CBX2: variants seen among roughly 807,000 people sequenced by gnomAD.
CBX2 encodes chromobox protein homolog 2.
A neutral mutation model predicts 21.0 loss-of-function variants in CBX2; 11 were observed. That is an observed-to-expected ratio of 0.52 (90% CI 0.33 to 0.87). CBX2 has a LOEUF of 0.87. CBX2 is among the 40% of genes least tolerant of loss of function. The probability of loss-of-function intolerance (pLI) is 0.02; values close to 1 mark genes in which losing one functional copy is unlikely to be tolerated. For synonymous variants in CBX2, 364 were observed against 304.6 expected (o/e 1.19, Z -2.03); for missense variants, 746 against 724.3 (o/e 1.03, Z -0.34).
upstream of CBX2, among the ~76,000 whole-genome samples, chr17:79,777,979 G>A (rs1289958077): frequency 3.5e-5 from 5 of 143,100 alleles, no homozygotes; most frequent in Non-Finnish European, 7.8e-5. Flanking sequence ...CGGAGCGCGA[G>A]GCCCAGCCCG....
Position 79,781,704 on chromosome 17 carries a change from A to G in CBX2, c.191A>G (p.Glu64Gly), listed in dbSNP as rs930570771. ...TAGTGGTGTGCCTTCAGGGAACATGAGAAGGAGGTGCAGAACCGGAAGAGA... is the reference window on the plus strand; with the variant it reads ...TAGTGGTGTGCCTTCAGGGAACATGGGAAGGAGGTGCAGAACCGGAAGAGA... ...LLLAFQKKEH[E>G]KEVQNRKRGK... The change falls in exon 4 of 5, where the codon GAG becomes GGG. Residue 64 changes from glutamate (E) to glycine (G), a missense_variant. Physicochemically the swap from Glu to Gly is moderately conservative, Grantham distance 98 (BLOSUM62 -2). Around this residue, in one of 2 missense-constraint regions of CBX2, gnomAD observed 701 missense variants for 650.7 expected, o/e 1.08. Coordinates refer to ENST00000310942, the MANE Select transcript of CBX2 (RefSeq NM_005189.3). The G allele has an allele frequency of 4.3e-6, 7 of 1,613,678 alleles. No individual in the cohort carries two copies. The highest frequency in any genetic ancestry group is 1.7e-5 in the Admixed American group (1 of 60,030).
intron 4 of CBX2, chr17:79,782,132 G>A (rs1023860695): frequency 1.2e-6 from 2 of 1,613,042 alleles, no homozygotes; most frequent in Non-Finnish European, 1.7e-6. Context: ...AAAGGAACAG[G>A]AAGCATGCGT....
upstream of CBX2, among the ~76,000 whole-genome samples, chr17:79,777,922 C>A (rs1300595793): frequency 6.8e-6 from 1 of 146,828 alleles, no homozygotes; most frequent in Non-Finnish European, 1.5e-5. Flanking sequence ...CCCGCGCCCC[C>A]ACCCCCGCCC....
Position 79,785,330 on chromosome 17 carries a change from C to T in CBX2, c.*288C>T, listed in dbSNP as rs1907561085. The T allele has an allele frequency of 7.6e-6, 4 of 524,464 alleles. No homozygotes were observed. The highest frequency in any genetic ancestry group is 3.8e-5 in the African/African-American group (2 of 52,300). The allele number at this position is 524,464 out of a possible 1,614,324, so 32.5% of individuals were successfully genotyped here. On this transcript the variant is annotated 3_prime_UTR_variant, in exon 5 of 5. Transcript: ENST00000310942. The stretch of plus-strand genomic sequence containing the variant: ...GGAAACCCGGTGGCACCTGTGGCTC[C>T]AGGTGACTGTCTTGAACAGAGCGGG...
chr17:79,778,510 G>A lies in CBX2; in HGVS notation c.116+83G>A. ...TGGAGCCCCTCGGCCGCGCCGTCCG[G>A]TGGCCTGGGGGCGCCCGCGGGCAGA... On this transcript the variant is annotated intron_variant, in intron 2 of 4. Transcript: ENST00000310942. The surrounding 1 kb of genome is among the most constrained non-coding windows in gnomAD (Gnocchi z 4.8). 2 of 887,182 alleles carry A rather than the reference G, an allele frequency of 2.3e-6. No individual in the cohort carries two copies. Among genetic ancestry groups the A allele is most frequent in the East Asian group, 3.4e-5 (1 of 29,376 alleles). The allele number at this position is 887,182 out of a possible 1,614,324, so 55.0% of individuals were successfully genotyped here.
In CBX2 at chr17:79,785,337, C is replaced by G; in HGVS notation, c.*295C>G. 1 of 509,290 alleles carries G rather than the reference C, an allele frequency of 2.0e-6. No homozygotes were observed. The highest frequency in any genetic ancestry group is 2.1e-5 in the South Asian group (1 of 46,764). The allele number at this position is 509,290 out of a possible 1,614,324, so 31.5% of individuals were successfully genotyped here. On this transcript the variant is annotated 3_prime_UTR_variant, in exon 5 of 5. Transcript: ENST00000310942. ...CGGTGGCACCTGTGGCTCCAGGTGA[C>G]TGTCTTGAACAGAGCGGGCTTCTTC...
At chr17:79,779,761 A>G in intron 3 of CBX2, 1 of 363,446 alleles carries the variant, frequency 2.8e-6, no homozygotes, top group Non-Finnish European at 5.3e-6. Context: ...TCTGCTGAGT[A>G]ATTTGCACAT....
In CBX2 at chr17:79,787,934, AT is replaced by A. The variant is rs1907743036; in HGVS notation, c.*2895del. 1 of 152,008 alleles carries A rather than the reference AT, an allele frequency of 6.6e-6. No individual in the cohort carries two copies. The highest frequency in any genetic ancestry group is 2.1e-4 in the South Asian group (1 of 4,824). The allele number at this position is 152,008 out of a possible 1,614,324, so 9.4% of individuals were successfully genotyped here. A position where few individuals can be genotyped will look rare whatever the true frequency, so the allele number is the denominator to read the frequency against. ...TGAACCAAAGCCAATCACTGGCTTG[AT>A]TTGTGTTTTTTAATTAAAAAAAAAA... On this transcript the variant is annotated 3_prime_UTR_variant, in exon 5 of 5. Coordinates refer to ENST00000310942, the MANE Select transcript of CBX2 (RefSeq NM_005189.3).
At position 79,778,327 on chromosome 17, in the gene CBX2, C is replaced by T. The variant is rs782508949; in HGVS notation, c.72+20C>T. The T allele has an allele frequency of 1.3e-6, 2 of 1,559,156 alleles. No homozygotes were observed. Among genetic ancestry groups the T allele is most frequent in the African/African-American group, 1.4e-5 (1 of 72,910 alleles). ...CGCAAGGTGCGTGCGGCCCGCCGGG[C>T]CCCCCGCCCGCCGCCCGCTGTCCGT... On this transcript the variant is annotated intron_variant, in intron 1 of 4. Transcript: ENST00000310942. The surrounding 1 kb of genome is among the most constrained non-coding windows in gnomAD (Gnocchi z 4.8).
At chr17:79,783,245 C>G (rs1907367864) in intron 4 of CBX2, among the ~76,000 whole-genome samples, 1 of 152,242 alleles carries the variant, frequency 6.6e-6, no homozygotes. Context: ...AATTTTGCCT[C>G]TCATGGAACT....
chr17:79,784,619 T>C lies in CBX2; in HGVS notation c.1176T>C (p.Thr392=). Reference sequence around the variant, plus strand: ...CCAACCCAGCCCCTGGGAAGGGCACTGGGAGTGGCCTCATTGGGGCCAGCG... The same window carrying C: ...CCAACCCAGCCCCTGGGAAGGGCACCGGGAGTGGCCTCATTGGGGCCAGCG... The part of the protein sequence containing the change: ...PATNPAPGKG[T]GSGLIGASGA... Residue 392 remains threonine, a synonymous_variant, in exon 5 of 5, where the codon ACT becomes ACC. Coordinates refer to ENST00000310942, the MANE Select transcript of CBX2 (RefSeq NM_005189.3). This position sits in a 1 kb window ranked among gnomAD's most constrained non-coding sequence, Gnocchi z 5.9. The C allele has an allele frequency of 1.2e-6, 2 of 1,612,506 alleles. No individual in the cohort carries two copies. The highest frequency in any genetic ancestry group is 2.2e-5 in the South Asian group (2 of 91,064).
rs559578994 is a variant in CBX2, at chr17:79,787,354, T to C, written c.*2312T>C. The C allele has an allele frequency of 6.5e-6, 1 of 152,804 alleles. No homozygotes were observed. The highest frequency in any genetic ancestry group is 6.5e-5 in the Admixed American group (1 of 15,308). 9.5% of individuals were successfully genotyped at this position (152,804 alleles called of 1,614,324 possible). A position where few individuals can be genotyped will look rare whatever the true frequency, so the allele number is the denominator to read the frequency against. Reference sequence around the variant, plus strand: ...GCAGCCGGGTCTCTCCAGACCCTGATTCGGTGCCTTTCTGTTTACCAGCTA... The same window carrying C: ...GCAGCCGGGTCTCTCCAGACCCTGACTCGGTGCCTTTCTGTTTACCAGCTA... On this transcript the variant is annotated 3_prime_UTR_variant, in exon 5 of 5. Transcript: ENST00000310942.
At position 79,778,808 on chromosome 17, in the gene CBX2, C is replaced by A. The variant is rs557151490; in HGVS notation, c.116+381C>A. ...GGATGTAGAGTTTCTTTTTTTTTTT[C>A]TTTCTTTTAATGGAAGGGAGGGTGT... is the stretch of plus-strand genomic sequence containing the variant. On this transcript the variant is annotated intron_variant, in intron 2 of 4. Coordinates refer to ENST00000310942, the MANE Select transcript of CBX2 (RefSeq NM_005189.3). This position sits in a 1 kb window ranked among gnomAD's most constrained non-coding sequence, Gnocchi z 4.8. Among the ~76,000 whole-genome samples the A allele has an allele frequency of 2.6e-4, 38 of 147,198 alleles. No individual in the cohort carries two copies. The highest frequency in any genetic ancestry group is 9.2e-4 in the African/African-American group (37 of 40,282).
upstream of CBX2, among the ~76,000 whole-genome samples, chr17:79,777,568 G>A (rs1375947954): frequency 1.3e-5 from 2 of 152,140 alleles, no homozygotes; most frequent in African/African-American, 4.8e-5. Context: ...TGGGGTTTGT[G>A]GGCCCCTCCC....
At chr17:79,783,212 T>C (rs1478096146) in intron 4 of CBX2, among the ~76,000 whole-genome samples, 1 of 152,200 alleles carries the variant, frequency 6.6e-6, no homozygotes, top group Non-Finnish European at 1.5e-5. Context: ...ACGAGCCACC[T>C]ATTTTTCTCT....
Position 79,784,655 on chromosome 17 carries a change from G to T in CBX2, c.1212G>T (p.Met404Ile). The change falls in exon 5 of 5, where the codon ATG becomes ATT. Residue 404 changes from methionine to isoleucine, a missense_variant. By Grantham distance (10) the Met-to-Ile change is conservative. Transcript: ENST00000310942. The surrounding 1 kb of genome is among the most constrained non-coding windows in gnomAD (Gnocchi z 5.9). ...TCATTGGGGCCAGCGGGGCCACCAT[G>T]CCCACCGACACAAGCAAAAGTGAGA... is the stretch of plus-strand genomic sequence containing the variant. ...SGLIGASGAT[M>I]PTDTSKSEKL... The T allele has an allele frequency of 6.2e-7, 1 of 1,612,388 alleles. No individual in the cohort carries two copies. The highest frequency in any genetic ancestry group is 1.3e-5 in the African/African-American group (1 of 75,048).
rs1276809530 is a variant in CBX2, at chr17:79,784,345, T to C, written c.902T>C (p.Met301Thr). ...AGGACGCAGAAAGGGGAGCTGGGAA[T>C]GAGCCCTCCAGGAAGCAAAATCCCG... is the stretch of plus-strand genomic sequence containing the variant. ...KVRTQKGELG[M>T]SPPGSKIPKA... is the part of the protein sequence containing the mutation. The change falls in exon 5 of 5, where the codon ATG becomes ACG. Residue 301 changes from methionine (M) to threonine (T), a missense_variant. By Grantham distance (81) the Met-to-Thr change is moderately conservative. This residue lies in a region of CBX2 where 701 missense variants were observed against 650.7 expected (regional missense o/e 1.08). Coordinates refer to ENST00000310942, the MANE Select transcript of CBX2 (RefSeq NM_005189.3). This position sits in a 1 kb window ranked among gnomAD's most constrained non-coding sequence, Gnocchi z 5.9. 1 of 1,613,174 alleles carries C rather than the reference T, an allele frequency of 6.2e-7. No homozygotes were observed. The highest frequency in any genetic ancestry group is 8.5e-7 in the Non-Finnish European group (1 of 1,179,920).
chr17:79,782,623 G>C, intron 4 of CBX2: 1 of 495,794 alleles, frequency 2.0e-6, no homozygotes, highest in Non-Finnish European at 2.7e-6. Flanking sequence ...CCCTGCTGTA[G>C]AATCTTGTTG....
chr17:79,785,233 G>A lies in CBX2; in HGVS notation c.*191G>A. On this transcript the variant is annotated 3_prime_UTR_variant, in exon 5 of 5. Coordinates refer to ENST00000310942, the MANE Select transcript of CBX2 (RefSeq NM_005189.3). ...CTCTGTCCCAGGACATAGGGCAGGGGGCCTCACTGCCTTGTTGGTCTCCAC... is the reference window on the plus strand; with the variant it reads ...CTCTGTCCCAGGACATAGGGCAGGGAGCCTCACTGCCTTGTTGGTCTCCAC... The A allele has an allele frequency of 3.2e-6, 2 of 616,966 alleles. No homozygotes were observed. Among genetic ancestry groups the A allele is most frequent in the Non-Finnish European group, 5.8e-6 (2 of 345,300 alleles). The allele number at this position is 616,966 out of a possible 1,614,324, so 38.2% of individuals were successfully genotyped here. A position where few individuals can be genotyped will look rare whatever the true frequency, so the allele number is the denominator to read the frequency against.
Sources: gnomAD v4.1 joint callset for allele counts (sites outside exome capture counted in the v4.1 genomes callset) on GRCh38, gnomAD v4.1.1 for gene constraint, gnomAD v4.1.1 regional missense constraint, Gnocchi (gnomAD v3.1) non-coding constraint, MANE v1.5 for transcripts, NCBI Gene and HGNC (gene_info 2026-07-23, HGNC 2026-07-21) for gene names.